The following YLPM1 variants were observed in gnomAD, a reference collection of about 807,000 sequenced individuals.
The protein encoded by YLPM1 is YLP motif containing 1, also known as YLP motif-containing protein 1.
A neutral mutation model predicts 230.0 loss-of-function variants in YLPM1; 99 were observed. The ratio of observed to expected loss-of-function variants is 0.43; its 90% CI spans 0.37 to 0.51. The LOEUF (loss-of-function observed/expected upper bound fraction) is 0.51. YLPM1 is among the 20% of genes least tolerant of loss of function. The pLI is 0.00. For missense variants in YLPM1, 2,592 were observed against 2,707.7 expected (o/e 0.96, Z 0.95); for synonymous variants, 984 against 942.5 (o/e 1.04, Z -0.81).
Position 74,836,619 on chromosome 14 carries a change from G to C in YLPM1, c.*881G>C, listed in dbSNP as rs920855619. ...CTGGTAGACAGAACTGATGTATTCT[G>C]TGGAACTCAAGCTTGTTGCCTTCAT... On this transcript the variant is annotated 3_prime_UTR_variant, in exon 21 of 21. Transcript: ENST00000325680. 6.6e-6 allele frequency: 1 copy of C among 152,410 alleles called. No individual in the cohort carries two copies. The highest frequency in any genetic ancestry group is 1.9e-4 in the East Asian group (1 of 5,200). 9.4% of individuals were successfully genotyped at this position (152,410 alleles called of 1,614,324 possible).
chr14:74,775,142 G>A (rs2091021738), intron 1 of YLPM1, among the ~76,000 whole-genome samples: 2 of 152,308 alleles, frequency 1.3e-5, no homozygotes, highest in South Asian at 4.1e-4. Flanking sequence ...TCAAGATGGA[G>A]TTTATGAGAT....
chr14:74,817,275 A>C lies in YLPM1; in HGVS notation c.5944A>C (p.Lys1982Gln). 1 of 1,574,966 alleles carries C rather than the reference A, an allele frequency of 6.3e-7. No individual in the cohort carries two copies. Among genetic ancestry groups the C allele is most frequent in the Non-Finnish European group, 8.6e-7 (1 of 1,159,242 alleles). The change falls in exon 15 of 21, where the codon AAG (lysine) becomes CAG (glutamine). Residue 1982 changes from lysine (K) to glutamine (Q), a missense_variant and splice_region_variant. Physicochemically the swap from Lys to Gln is moderately conservative, Grantham distance 53 (BLOSUM62 1). Around this residue, in one of 4 missense-constraint regions of YLPM1, gnomAD observed 315 missense variants for 429.3 expected, o/e 0.73. Transcript: ENST00000325680. The stretch of plus-strand genomic sequence containing the variant: ...TGGAAGAAAGCTTAAAGAAATAAAT[A>C]AGGTGATTTTAAGAAACATAGAATA... Reference protein sequence around the residue: ...IHGRKLKEINKMADHWETAPR... With the variant: ...IHGRKLKEINQMADHWETAPR...
rs1304595028 is a variant in YLPM1, at chr14:74,836,954, C to CT, written c.*1216_*1217insT. The CT allele has an allele frequency of 2.0e-5, 3 of 152,240 alleles. No homozygotes were observed. The highest frequency in any genetic ancestry group is 2.0e-4 in the Admixed American group (3 of 15,270). 9.4% of individuals were successfully genotyped at this position (152,240 alleles called of 1,614,324 possible). A position where few individuals can be genotyped will look rare whatever the true frequency, so the allele number is the denominator to read the frequency against. On this transcript the variant is annotated 3_prime_UTR_variant, in exon 21 of 21. Coordinates refer to ENST00000325680, the MANE Select transcript of YLPM1 (RefSeq NM_019589.3). Reference sequence around the variant, plus strand: ...TGAAAGAAGATGAGAGAGCCTTCTTCCTCAAGCATAATTTGCATTTTGTAA... The same window carrying CT: ...TGAAAGAAGATGAGAGAGCCTTCTTCTCTCAAGCATAATTTGCATTTTGTAA...
chr14:74,789,922 C>T (rs763015636), intron 4 of YLPM1, among the ~76,000 whole-genome samples: 5 of 150,260 alleles, frequency 3.3e-5, no homozygotes, highest in Non-Finnish European at 5.9e-5. Context: ...CCATGTGCAG[C>T]CTTTTTTTTT....
rs755246366 is a variant in YLPM1 at position 74,763,837 on chromosome 14, C to G, written c.348C>G (p.Ser116Arg). The G allele has an allele frequency of 1.3e-6, 2 of 1,518,090 alleles. No individual in the cohort carries two copies. The highest frequency in any genetic ancestry group is 1.8e-6 in the Non-Finnish European group (2 of 1,131,864). 94.0% of individuals were successfully genotyped at this position (1,518,090 alleles called of 1,614,324 possible). Residue 116 changes from serine (S) to arginine (R), a missense_variant, in exon 1 of 21, where the codon AGC becomes AGG. Physicochemically the swap from Ser to Arg is moderately radical, Grantham distance 110. Coordinates refer to ENST00000325680, the MANE Select transcript of YLPM1 (RefSeq NM_019589.3). ...PMPPPPGPAL[S>R]YQKQQQYKHQ... ...CCCCGCCACCCGGGCCGGCCCTCAG[C>G]TATCAGAAGCAGCAGCAGTACAAAC... is the stretch of plus-strand genomic sequence containing the variant.
Position 74,781,804 on chromosome 14 carries a change from A to G in YLPM1, c.1761A>G (p.Pro587=). The G allele has an allele frequency of 1.9e-6, 3 of 1,605,944 alleles. No individual in the cohort carries two copies. The highest frequency in any genetic ancestry group is 2.5e-6 in the Non-Finnish European group (3 of 1,177,888). The part of the protein sequence containing the change: ...GMPPSLSSAG[P]PPVLPPPSLS... ...CTCCTTCTCTCTCTTCTGCAGGGCC[A>G]CCACCAGTTCTCCCCCCACCTTCCC... Residue 587 remains proline, a synonymous_variant, in exon 4 of 21, where the codon CCA becomes CCG. Coordinates refer to ENST00000325680, the MANE Select transcript of YLPM1 (RefSeq NM_019589.3).
intron 19 of YLPM1, among the ~76,000 whole-genome samples, chr14:74,831,668 T>C (rs144854416): frequency 1.8e-4 from 27 of 152,316 alleles, no homozygotes; most frequent in African/African-American, 6.3e-4. Context: ...GCCTTATACC[T>C]TGACTTCAGA....
rs376183084 is a variant in YLPM1 at position 74,798,289 on chromosome 14, A to G, written c.2992A>G (p.Lys998Glu). The G allele has an allele frequency of 2.7e-5, 43 of 1,614,020 alleles. No homozygotes were observed. In the African/African-American group the frequency reaches 5.2e-4, roughly 20 times the overall value. ...ACCCCATTCAGAAAACAACCAAGAT[A>G]AAGGCCTGCCTCGGCCAGATAATAG... ...GLPHSENNQDKGLPRPDNRDN... is the reference protein window; with the variant it reads ...GLPHSENNQDEGLPRPDNRDN... The change falls in exon 5 of 21, where the codon AAA becomes GAA. Residue 998 changes from lysine to glutamate, a missense_variant. Around this residue, in one of 4 missense-constraint regions of YLPM1, gnomAD observed 1,862 missense variants for 1,819.8 expected, o/e 1.02. Transcript: ENST00000325680.
intron 11 of YLPM1, 143 bp from the exon 12 acceptor site, chr14:74,816,060 G>A: frequency 3.1e-6 from 2 of 644,864 alleles, no homozygotes; most frequent in South Asian, 2.6e-5. Flanking sequence ...TATTATTTCT[G>A]TCCTTTCAAA....
chr14:74,789,068 A>G (rs890246411), intron 4 of YLPM1, among the ~76,000 whole-genome samples: 7 of 152,144 alleles, frequency 4.6e-5, no homozygotes, highest in Admixed American at 2.6e-4. Context: ...CATAAATTCA[A>G]TGTTTAAATG....
In YLPM1 at chr14:74,764,490, G is replaced by A. The variant is rs183450070; in HGVS notation, c.873+128G>A. 1,011 of 1,259,084 alleles carry A rather than the reference G, an allele frequency of 8.0e-4. 1 individual carries two copies. The highest frequency in any genetic ancestry group is 9.0e-4 in the Non-Finnish European group (847 of 942,406). The allele number at this position is 1,259,084 out of a possible 1,614,324, so 78.0% of individuals were successfully genotyped here. A position where few individuals can be genotyped will look rare whatever the true frequency, so the allele number is the denominator to read the frequency against. ...ACTAGCTAACACTCCAAAGGATTCC[G>A]TAAGAGTCAGAGGGCTGACAGCTCA... On this transcript the variant is annotated intron_variant, in intron 1 of 20. Coordinates refer to ENST00000325680, the MANE Select transcript of YLPM1 (RefSeq NM_019589.3).
chr14:74,837,132 CT>C lies in YLPM1; in HGVS notation c.*1397del, dbSNP rs1235037010. 6.6e-6 allele frequency: 1 copy of C among 152,154 alleles called. No homozygotes were observed. The highest frequency in any genetic ancestry group is 1.5e-5 in the Non-Finnish European group (1 of 68,032). 9.4% of individuals were successfully genotyped at this position (152,154 alleles called of 1,614,324 possible). On this transcript the variant is annotated 3_prime_UTR_variant, in exon 21 of 21. Transcript: ENST00000325680. ...AGTTACTAGCATTTGAATAGTATCA[CT>C]TTGGGTTCAACAAATTGATATTATA...
Position 74,798,943 on chromosome 14 carries a change from G to A in YLPM1, c.3646G>A (p.Glu1216Lys). The A allele has an allele frequency of 6.2e-7, 1 of 1,613,916 alleles. No individual in the cohort carries two copies. Among genetic ancestry groups the A allele is most frequent in the Non-Finnish European group, 8.5e-7 (1 of 1,179,844 alleles). The stretch of plus-strand genomic sequence containing the variant: ...TGGTAGAAATGCTCCAATGGAACGA[G>A]AAAGACTCGATGACTGGGATAGAGA... The part of the protein sequence containing the change: ...LDGRNAPMER[E>K]RLDDWDRERY... Residue 1216 changes from glutamate (E) to lysine (K), a missense_variant, in exon 5 of 21, where the codon GAA (glutamate) becomes AAA (lysine). Coordinates refer to ENST00000325680, the MANE Select transcript of YLPM1 (RefSeq NM_019589.3).
intron 4 of YLPM1, among the ~76,000 whole-genome samples, chr14:74,795,405 G>A (rs975969731): frequency 1.3e-5 from 2 of 152,126 alleles, no homozygotes; most frequent in Non-Finnish European, 2.9e-5. Flanking sequence ...AGTCTTCATT[G>A]ATTTCCCAAA....
chr14:74,781,259 T>G, intron 3 of YLPM1, 75 bp from the exon 4 acceptor site: 4 of 1,424,286 alleles, frequency 2.8e-6, no homozygotes, highest in Non-Finnish European at 3.7e-6. Flanking sequence ...ATGCCCTTGA[T>G]TCATTAATAT....
In YLPM1 at chr14:74,835,297, T is replaced by C. The variant is rs1383778520; in HGVS notation, c.6327T>C (p.Asp2109=). The stretch of plus-strand genomic sequence containing the variant: ...GGGCAGACCTGGAAGAGAAGAAGGA[T>C]GCAGATAGGAAAAGGGCCATAGGTT... ...VRWADLEEKK[D]ADRKRAIGFV... Residue 2109 remains aspartate, a synonymous_variant, in exon 20 of 21, where the codon GAT becomes GAC. Coordinates refer to ENST00000325680, the MANE Select transcript of YLPM1 (RefSeq NM_019589.3). 2 of 1,613,626 alleles carry C rather than the reference T, an allele frequency of 1.2e-6. No homozygotes were observed. Among genetic ancestry groups the C allele is most frequent in the Admixed American group, 1.7e-5 (1 of 60,000 alleles).
At position 74,799,291 on chromosome 14, in the gene YLPM1, C is replaced by T. The variant is rs1422055018; in HGVS notation, c.3994C>T (p.Pro1332Ser). The T allele has an allele frequency of 6.2e-7, 1 of 1,613,992 alleles. No individual in the cohort carries two copies. Among genetic ancestry groups the T allele is most frequent in the Admixed American group, 1.7e-5 (1 of 60,022 alleles). The stretch of plus-strand genomic sequence containing the variant: ...TCGTGAACGGGATATTCCATCTCTT[C>T]CACCTTTACCGCCCCTCCCACCTCT... ...QFRERDIPSL[P>S]PLPPLPPLPP... Residue 1332 changes from proline (P) to serine (S), a missense_variant, in exon 5 of 21, where the codon CCA becomes TCA. Coordinates refer to ENST00000325680, the MANE Select transcript of YLPM1 (RefSeq NM_019589.3).
rs1427271401 is a variant in YLPM1 at position 74,802,606 on chromosome 14, A to T, written c.4451A>T (p.Gln1484Leu). Reference protein sequence around the residue: ...QKMKDFGSEPQMADHLPPQES... With the variant: ...QKMKDFGSEPLMADHLPPQES... ...ATGAAAGACTTCGGGTCTGAGCCAC[A>T]GATGGCTGACCATCTACCACCTCAG... Residue 1484 changes from glutamine to leucine, a missense_variant, in exon 6 of 21, where the codon CAG becomes CTG. Gln to Leu is a moderately radical substitution (Grantham distance 113). This residue lies in a region of YLPM1 where 403 missense variants were observed against 426.7 expected (regional missense o/e 0.94). Transcript: ENST00000325680. 1.9e-6 allele frequency: 3 copies of T among 1,613,456 alleles called. No individual in the cohort carries two copies. The African/African-American group carries it at 4.0e-5, about 22-fold the overall frequency.
At chr14:74,810,104 T>C (rs2091419476) in intron 8 of YLPM1, 102 bp downstream of exon 8, 8 of 1,455,974 alleles carry the variant, frequency 5.5e-6, no homozygotes, top group Non-Finnish European at 7.4e-6. Context: ...TTAATACAGC[T>C]AAAAGATTCT....
Sources: allele counts gnomAD v4.1 joint callset (sites outside exome capture counted in the v4.1 genomes callset), GRCh38; gene constraint gnomAD v4.1.1; regional missense constraint gnomAD v4.1.1; transcripts MANE v1.5; gene names NCBI Gene and HGNC (gene_info 2026-07-23, HGNC 2026-07-21).